SMAD3: variants seen among roughly 807,000 people sequenced by gnomAD.
The protein encoded by SMAD3 is MAD homolog 3.
Under a neutral mutation model 51.8 loss-of-function variants are expected in SMAD3, and 12 were observed. The observed-to-expected ratio is 0.23, with a 90% confidence interval of 0.15 to 0.38. SMAD3 has a LOEUF of 0.38. SMAD3 is among the 10% of genes least tolerant of loss of function. The pLI, the probability that SMAD3 is intolerant of heterozygous loss-of-function variation, is 1.00. For synonymous variants in SMAD3, 238 were observed against 227.7 expected, an observed-to-expected ratio of 1.05 and a Z score of -0.41; for missense variants, 294 against 565.6, an observed-to-expected ratio of 0.52 and a Z score of 4.87.
chr15:67,184,971 G>T (rs767740276), intron 7 of SMAD3, 107 bp downstream of exon 7: 1 of 1,417,342 alleles, frequency 7.1e-7, no homozygotes, highest in East Asian at 2.3e-5. Context: ...ACTCATGATT[G>T]CGTTGTCAAT....
chr15:67,129,588 T>C (rs1453018319), intron 1 of SMAD3, among the ~76,000 whole-genome samples: 3 of 152,250 alleles, frequency 2.0e-5, no homozygotes, highest in Non-Finnish European at 4.4e-5. Flanking sequence ...AGTTTGGTAC[T>C]GTCTCTGGTT....
At chr15:67,092,382 G>A (rs1960525773) in intron 1 of SMAD3, among the ~76,000 whole-genome samples, 1 of 152,202 alleles carries the variant, frequency 6.6e-6, no homozygotes, top group East Asian at 1.9e-4. Context: ...CCAGCTGTTA[G>A]GTGAACACTT....
At chr15:67,134,586 C>T (rs1469118238) in intron 1 of SMAD3, among the ~76,000 whole-genome samples, 15 of 152,182 alleles carry the variant, frequency 9.9e-5, no homozygotes, top group Admixed American at 9.8e-4. Flanking sequence ...CCAGCTTCTC[C>T]AGCTCCCTTT....
At chr15:67,184,669 C>T in intron 6 of SMAD3, 58 bp from the exon 7 acceptor site, 1 of 1,609,084 alleles carries the variant, frequency 6.2e-7, no homozygotes, top group Middle Eastern at 1.9e-4. Context: ...TCAGGTGGCC[C>T]CAGGGCCATT....
chr15:67,109,056 G>A (rs776140351), intron 1 of SMAD3, among the ~76,000 whole-genome samples: 2 of 152,168 alleles, frequency 1.3e-5, no homozygotes, highest in East Asian at 1.9e-4. Flanking sequence ...ATTCGTCTTC[G>A]TGTCTCTGGA....
At chr15:67,118,700 G>C (rs1357413022) in intron 1 of SMAD3, among the ~76,000 whole-genome samples, 1 of 152,200 alleles carries the variant, frequency 6.6e-6, no homozygotes, top group Non-Finnish European at 1.5e-5. Context: ...TGGGTGTCCT[G>C]AGTCGTGAAC....
chr15:67,146,955 G>T (rs867713691), intron 1 of SMAD3: 42 of 152,290 alleles, frequency 2.8e-4, no homozygotes, highest in Middle Eastern at 3.4e-3. Flanking sequence ...CTTTGGCGGG[G>T]TGAGAAGAGA....
chr15:67,142,914 G>T (rs1428748950), intron 1 of SMAD3: 2 of 439,734 alleles, frequency 4.5e-6, no homozygotes, highest in Admixed American at 2.5e-5. Context: ...ATACCCGTCG[G>T]CTCACTCCTG....
chr15:67,181,110 G>T (rs922046571), intron 5 of SMAD3, 131 bp from the exon 6 acceptor site: 3 of 738,208 alleles, frequency 4.1e-6, no homozygotes, highest in Non-Finnish European at 7.1e-6. Flanking sequence ...ACGATAAAAG[G>T]CATGGGGTAG....
chr15:67,100,904 G>A (rs1324162529), intron 1 of SMAD3, among the ~76,000 whole-genome samples: 33 of 152,316 alleles, frequency 2.2e-4, no homozygotes, highest in Non-Finnish European at 1.2e-4. Flanking sequence ...TTCTATTGGG[G>A]AAGTCACAGT....
intron 4 of SMAD3, 101 bp downstream of exon 4, chr15:67,166,954 ATC>A: frequency 2.2e-6 from 2 of 921,630 alleles, no homozygotes; most frequent in Non-Finnish European, 3.5e-6. Context: ...CCTCCCTTCT[ATC>A]TCTCTCTCCA....
At chr15:67,116,079 C>G (rs1042032153) in intron 1 of SMAD3, among the ~76,000 whole-genome samples, 5 of 152,224 alleles carry the variant, frequency 3.3e-5, no homozygotes, top group African/African-American at 9.6e-5. Flanking sequence ...TTTTACATCT[C>G]TCTAACATCT....
intron 1 of SMAD3, among the ~76,000 whole-genome samples, chr15:67,084,817 A>G (rs1352144357): frequency 6.6e-6 from 1 of 152,230 alleles, no homozygotes. Flanking sequence ...CCGTAGTGCC[A>G]TAAAAATACA....
At chr15:67,073,613 G>A (rs921658097) in intron 1 of SMAD3, among the ~76,000 whole-genome samples, 17 of 152,202 alleles carry the variant, frequency 1.1e-4, no homozygotes, top group African/African-American at 4.1e-4. Flanking sequence ...AAATAGGCTA[G>A]ATAAACTCTA....
intron 5 of SMAD3, among the ~76,000 whole-genome samples, chr15:67,177,360 G>A (rs1049885103): frequency 9.3e-5 from 14 of 151,206 alleles, no homozygotes; most frequent in African/African-American, 3.2e-4. Flanking sequence ...TGTTTCTCTG[G>A]TACTAACCAG....
chr15:67,080,103 G>T (rs1960249865), intron 1 of SMAD3, among the ~76,000 whole-genome samples: 1 of 152,194 alleles, frequency 6.6e-6, no homozygotes, highest in African/African-American at 2.4e-5. Context: ...GCAAACCTGG[G>T]TAATAGTCAC....
At chr15:67,167,710 G>C (rs970728688) in intron 4 of SMAD3, among the ~76,000 whole-genome samples, 10 of 152,222 alleles carry the variant, frequency 6.6e-5, no homozygotes, top group African/African-American at 2.4e-4. Flanking sequence ...TACATCTCCA[G>C]ATGTTTCCCA....
At chr15:67,095,798 C>T (rs1049489871) in intron 1 of SMAD3, among the ~76,000 whole-genome samples, 2 of 152,224 alleles carry the variant, frequency 1.3e-5, no homozygotes, top group Non-Finnish European at 2.9e-5. Flanking sequence ...TCCCAAAGTG[C>T]TGGGATTACA....
intron 5 of SMAD3, among the ~76,000 whole-genome samples, chr15:67,172,773 C>T (rs887923001): frequency 6.6e-6 from 1 of 152,170 alleles, no homozygotes. Context: ...GCGTGCACTC[C>T]CATTGTGGCA....
Sources: gnomAD v4.1 joint callset for allele counts (sites outside exome capture counted in the v4.1 genomes callset) on GRCh38, gnomAD v4.1.1 for gene constraint, MANE v1.5 for transcripts, NCBI Gene and HGNC (gene_info 2026-07-23, HGNC 2026-07-21) for gene names.